OSBP2: variants seen among roughly 807,000 people sequenced by gnomAD.
OSBP2 encodes oxysterol binding protein 2, also known as oxysterol-binding protein 2.
In OSBP2, 66 loss-of-function variants were observed where a neutral mutation model predicts 96.0. The ratio of observed to expected loss-of-function variants is 0.69; its 90% CI spans 0.56 to 0.84. The LOEUF is 0.84. Among genes scored for constraint, OSBP2 ranks in the 40% least tolerant of loss-of-function variants. The pLI is 0.00. For missense variants in OSBP2, 1,038 were observed against 1,222.7 expected (o/e 0.85, Z 2.25); for synonymous variants, 525 against 520.9 (o/e 1.01, Z -0.11).
chr22:30,815,601 G>T (rs1030339418), intron 2 of OSBP2, among the ~76,000 whole-genome samples: 2 of 152,124 alleles, frequency 1.3e-5, no homozygotes, highest in South Asian at 4.1e-4. Context: ...CTTAATGTTT[G>T]CATGTTAGCT....
chr22:30,885,178 GC>G (rs1402979863), intron 3 of OSBP2, among the ~76,000 whole-genome samples: 4 of 152,232 alleles, frequency 2.6e-5, no homozygotes, highest in Non-Finnish European at 5.9e-5. Context: ...GGGTGGGACA[GC>G]CTGTGATGTG....
chr22:30,733,976 A>G (rs1400783646), intron 1 of OSBP2, among the ~76,000 whole-genome samples: 1 of 152,046 alleles, frequency 6.6e-6, no homozygotes, highest in Non-Finnish European at 1.5e-5. Context: ...CAGAAAATAC[A>G]TTATCATTTT....
In OSBP2 at chr22:30,890,903, AC is replaced by A; in HGVS notation, c.1803del (p.Met602CysfsTer23). ...GTGCACCGCATCGCCAAGCCCTTCA[AC>A]CCCATGCTGGGGGAGACCTTCGAGC... ...TTVHRIAKPF[N>X]PMLGETFELD... is the part of the protein sequence containing the mutation. On this transcript the variant is annotated frameshift_variant, in exon 8 of 14. Transcript: ENST00000332585. LOFTEE classifies it high-confidence loss of function. The surrounding 1 kb of genome is among the most constrained non-coding windows in gnomAD (Gnocchi z 4.4). 1 of 1,613,204 alleles carries A rather than the reference AC, an allele frequency of 6.2e-7. No homozygotes were observed. Among genetic ancestry groups the A allele is most frequent in the Non-Finnish European group, 8.5e-7 (1 of 1,179,988 alleles).
chr22:30,742,626 AAT>A (rs2089954677), intron 2 of OSBP2, among the ~76,000 whole-genome samples: 1 of 152,160 alleles, frequency 6.6e-6, no homozygotes, highest in Admixed American at 6.6e-5. Context: ...TCCATTTAGC[AAT>A]ATGTCTTGGA....
intron 2 of OSBP2, among the ~76,000 whole-genome samples, chr22:30,858,714 A>T (rs1329753795): frequency 6.6e-6 from 1 of 151,330 alleles, no homozygotes; most frequent in Admixed American, 6.6e-5. Flanking sequence ...CCCCGTCTCT[A>T]CTAAAAATAC....
chr22:30,840,305 TAAAAAAAA>T (rs71202016), intron 2 of OSBP2, among the ~76,000 whole-genome samples: 1 of 140,850 alleles, frequency 7.1e-6, no homozygotes, highest in East Asian at 2.1e-4. Flanking sequence ...ATAAACCTGT[TAAAAAAAA>T]AAAGAAAAAG....
chr22:30,740,195 T>C (rs2089919356), intron 1 of OSBP2, among the ~76,000 whole-genome samples: 1 of 152,078 alleles, frequency 6.6e-6, no homozygotes, highest in African/African-American at 2.4e-5. Flanking sequence ...GGGGAACCAG[T>C]AAGCCAGGAG....
intron 2 of OSBP2, among the ~76,000 whole-genome samples, chr22:30,855,518 T>C (rs1336031910): frequency 6.6e-6 from 1 of 152,210 alleles, no homozygotes; most frequent in East Asian, 1.9e-4. Context: ...GCAAGAATGG[T>C]AGCTGTTGCT....
In OSBP2 at chr22:30,893,735, T is replaced by C; in HGVS notation, c.2190+2T>C. ...TTCTCCAAAGAGGCAGCCCGGAAGG[T>C]AAGCAGGACCAGCCACCTCTAAGCA... On this transcript the variant is annotated splice_donor_variant, in intron 11 of 13. Transcript: ENST00000332585. LOFTEE classifies it high-confidence loss of function. 6.2e-7 allele frequency: 1 copy of C among 1,613,914 alleles called. No individual in the cohort carries two copies. The highest frequency in any genetic ancestry group is 8.5e-7 in the Non-Finnish European group (1 of 1,179,876).
intron 2 of OSBP2, among the ~76,000 whole-genome samples, chr22:30,853,641 C>T (rs980501634): frequency 5.3e-5 from 8 of 151,988 alleles, no homozygotes; most frequent in South Asian, 2.1e-4. Context: ...TTTAATATAA[C>T]GTAATTATTA....
chr22:30,869,499 G>T (rs1279387905), intron 2 of OSBP2, among the ~76,000 whole-genome samples: 3 of 152,158 alleles, frequency 2.0e-5, no homozygotes, highest in Non-Finnish European at 4.4e-5. Context: ...GGCAGACTTT[G>T]TTTTTGTTTG....
intron 2 of OSBP2, among the ~76,000 whole-genome samples, chr22:30,819,330 G>A (rs1305642988): frequency 6.6e-6 from 1 of 152,152 alleles, no homozygotes; most frequent in Non-Finnish European, 1.5e-5. Context: ...GGGAGACTCT[G>A]AAAAGACACC....
At chr22:30,831,001 C>T (rs965808621) in intron 2 of OSBP2, among the ~76,000 whole-genome samples, 108 of 152,298 alleles carry the variant, frequency 7.1e-4, no homozygotes, top group African/African-American at 2.5e-3. Context: ...TTCTGTTAGA[C>T]ATTTAGGTTC....
At chr22:30,866,719 A>G (rs2039347108) in intron 2 of OSBP2, among the ~76,000 whole-genome samples, 3 of 151,150 alleles carry the variant, frequency 2.0e-5, no homozygotes, top group South Asian at 4.2e-4. Context: ...CCTGGGCGAC[A>G]GCGCGAGACT....
At chr22:30,850,534 C>G (rs1419986946) in intron 2 of OSBP2, among the ~76,000 whole-genome samples, 2 of 152,136 alleles carry the variant, frequency 1.3e-5, no homozygotes, top group Non-Finnish European at 2.9e-5. Context: ...GCATCTCACT[C>G]TGTCACCCAG....
intron 2 of OSBP2, among the ~76,000 whole-genome samples, chr22:30,811,311 TA>T (rs1456909232): frequency 5.5e-5 from 8 of 145,132 alleles, no homozygotes; most frequent in African/African-American, 1.3e-4. Context: ...TTTCTGATTT[TA>T]TTTTTTTTAT....
chr22:30,753,630 A>G (rs957230895), intron 2 of OSBP2, among the ~76,000 whole-genome samples: 2 of 152,162 alleles, frequency 1.3e-5, no homozygotes, highest in Non-Finnish European at 2.9e-5. Flanking sequence ...TGTCCACTCC[A>G]GGCCAAACCG....
chr22:30,804,152 T>G (rs1267319891), intron 2 of OSBP2, among the ~76,000 whole-genome samples: 2 of 152,112 alleles, frequency 1.3e-5, no homozygotes, highest in Non-Finnish European at 2.9e-5. Flanking sequence ...GGTGGGCTTC[T>G]GGGGGGCTTT....
At chr22:30,843,455 C>CGG (rs763119538) in intron 2 of OSBP2, among the ~76,000 whole-genome samples, 1 of 150,272 alleles carries the variant, frequency 6.7e-6, no homozygotes, top group African/African-American at 2.5e-5. Context: ...CCCCCCTCCC[C>CGG]CTTGAGCAAT....
Sources: gnomAD v4.1 joint callset for allele counts (sites outside exome capture counted in the v4.1 genomes callset) on GRCh38, gnomAD v4.1.1 for gene constraint, Gnocchi (gnomAD v3.1) non-coding constraint, MANE v1.5 for transcripts, NCBI Gene and HGNC (gene_info 2026-07-23, HGNC 2026-07-21) for gene names.